Variants in TNFSF4 observed in about 807,000 individuals in gnomAD.
TNFSF4 encodes tumor necrosis factor ligand superfamily member 4.
A neutral mutation model predicts 7.3 loss-of-function variants in TNFSF4; 4 were observed. The ratio of observed to expected loss-of-function variants is 0.55; its 90% confidence interval spans 0.27 to 1.25. The LOEUF is 1.25. Ranked by LOEUF, TNFSF4 falls within the 50% of genes most tolerant of loss-of-function variation. The pLI, the probability that TNFSF4 is intolerant of heterozygous loss-of-function variation, is 0.12. For synonymous variants in TNFSF4, 76 were observed against 83.7 expected, an observed-to-expected ratio of 0.91 and a Z score of 0.50; for missense variants, 181 against 208.8, an observed-to-expected ratio of 0.87 and a Z score of 0.82.
At chr1:173,312,413 CTTT>C in the TNFSF4 span, among the ~76,000 whole-genome samples, 12 of 151,944 alleles carry the variant, frequency 7.9e-5, no homozygotes, top group African/African-American at 2.7e-4. Context: ...GTCCTCTCCT[CTTT>C]TTTTAATTTC....
chr1:173,318,311 GTAA>G, the TNFSF4 span, among the ~76,000 whole-genome samples: 27,709 of 151,926 alleles, frequency 0.18, 4,651 homozygotes, highest in African/African-American at 0.45. Flanking sequence ...GTGGTGGCAG[GTAA>G]TGCCTGTAGT....
chr1:173,217,698 T>C, the TNFSF4 span, among the ~76,000 whole-genome samples: 1 of 152,324 alleles, frequency 6.6e-6, no homozygotes, highest in East Asian at 1.9e-4. Flanking sequence ...TTATGGTAAA[T>C]AAAACACTAT....
chr1:173,281,999 G>C, the TNFSF4 span, among the ~76,000 whole-genome samples: 1 of 152,092 alleles, frequency 6.6e-6, no homozygotes, highest in Non-Finnish European at 1.5e-5. Flanking sequence ...TTTTTTCAAA[G>C]TTGATCTCAT....
the TNFSF4 span, among the ~76,000 whole-genome samples, chr1:173,301,278 C>A: frequency 6.6e-6 from 1 of 151,730 alleles, no homozygotes; most frequent in Admixed American, 6.6e-5. Flanking sequence ...AATTTATAAC[C>A]AAATGTTGTT....
the TNFSF4 span, among the ~76,000 whole-genome samples, chr1:173,382,385 G>A: frequency 6.6e-6 from 1 of 152,216 alleles, no homozygotes; most frequent in South Asian, 2.1e-4. Context: ...CACCGTGAGG[G>A]TCCACAGCTT....
At chr1:173,211,681 C>A (rs972094047), upstream of TNFSF4, among the ~76,000 whole-genome samples, 1 of 152,214 alleles carries the variant, frequency 6.6e-6, no homozygotes, top group African/African-American at 2.4e-5. Context: ...ACACATTCCC[C>A]ATGAAGGGCT....
At chr1:173,349,275 G>A in the TNFSF4 span, among the ~76,000 whole-genome samples, 15 of 152,050 alleles carry the variant, frequency 9.9e-5, no homozygotes, top group South Asian at 4.1e-4. Flanking sequence ...TGATCTGCCC[G>A]CCTCGGCCTC....
At chr1:173,338,768 C>G in the TNFSF4 span, among the ~76,000 whole-genome samples, 1 of 152,082 alleles carries the variant, frequency 6.6e-6, no homozygotes. Context: ...GTCTTAGTTG[C>G]AGGGGGTGGA....
At chr1:173,349,644 A>G in the TNFSF4 span, among the ~76,000 whole-genome samples, 1 of 152,216 alleles carries the variant, frequency 6.6e-6, no homozygotes, top group Non-Finnish European at 1.5e-5. Context: ...AATCTTGGGA[A>G]TAAGAATACA....
At chr1:173,232,307 T>C in the TNFSF4 span, among the ~76,000 whole-genome samples, 4 of 152,210 alleles carry the variant, frequency 2.6e-5, no homozygotes, top group African/African-American at 9.6e-5. Context: ...GTGATTTTTG[T>C]ACATTGATTT....
At chr1:173,429,592 T>TACG in the TNFSF4 span, among the ~76,000 whole-genome samples, 2 of 152,226 alleles carry the variant, frequency 1.3e-5, no homozygotes, top group Admixed American at 1.3e-4. Context: ...GAGCACAGGC[T>TACG]ACGCCACAAC....
At chr1:173,182,668 A>G (rs940520134), downstream of TNFSF4, among the ~76,000 whole-genome samples, 4 of 152,244 alleles carry the variant, frequency 2.6e-5, no homozygotes, top group Non-Finnish European at 5.9e-5. Context: ...ATTACTAATA[A>G]CACAAGTGAT....
the TNFSF4 span, among the ~76,000 whole-genome samples, chr1:173,298,852 TA>T: frequency 5.3e-5 from 8 of 151,896 alleles, no homozygotes; most frequent in African/African-American, 1.9e-4. Context: ...AACTCAGAGA[TA>T]AAAGAGTTTC....
the TNFSF4 span, among the ~76,000 whole-genome samples, chr1:173,229,218 A>G: frequency 1.3e-5 from 2 of 152,262 alleles, no homozygotes; most frequent in African/African-American, 2.4e-5. Context: ...AGCCCATCAG[A>G]CTAACAGCGG....
the TNFSF4 span, among the ~76,000 whole-genome samples, chr1:173,250,832 G>A: frequency 1.3e-5 from 2 of 152,108 alleles, no homozygotes; most frequent in African/African-American, 4.8e-5. Flanking sequence ...TATGAGATCT[G>A]GGGCTTTTAA....
the TNFSF4 span, among the ~76,000 whole-genome samples, chr1:173,449,213 T>G: frequency 6.6e-6 from 1 of 152,206 alleles, no homozygotes; most frequent in East Asian, 1.9e-4. Context: ...CCTGCCATGA[T>G]TGTAAGCTTC....
the TNFSF4 span, among the ~76,000 whole-genome samples, chr1:173,268,572 CT>C: frequency 6.6e-6 from 1 of 151,722 alleles, no homozygotes; most frequent in Admixed American, 6.6e-5. Context: ...ACAAATGAAA[CT>C]CTTAAAAAAT....
At chr1:173,207,432 C>CTTT, upstream of TNFSF4, 1 of 293,294 alleles carries the variant, frequency 3.4e-6, no homozygotes, top group Non-Finnish European at 6.3e-6. Flanking sequence ...TACTTTCTTT[C>CTTT]TTTTTTTTTT....
At chr1:173,271,272 G>A in the TNFSF4 span, among the ~76,000 whole-genome samples, 1 of 152,032 alleles carries the variant, frequency 6.6e-6, no homozygotes. Flanking sequence ...GGGTTTTTAT[G>A]GTTTTAGGTC....
Sources: gnomAD v4.1 joint callset for allele counts (sites outside exome capture counted in the v4.1 genomes callset) on GRCh38, gnomAD v4.1.1 for gene constraint, MANE v1.5 for transcripts, NCBI Gene and HGNC (gene_info 2026-07-23, HGNC 2026-07-21) for gene names.